COX7B2: variants seen among roughly 807,000 people sequenced by gnomAD.
COX7B2 encodes cytochrome c oxidase subunit 7B2.
For missense variants in COX7B2, 109 were observed against 95.9 expected (o/e 1.14, Z -0.57); for synonymous variants, 37 against 32.1 (o/e 1.15, Z -0.51).
At chr4:46,799,103 T>TC (rs1718517823) in intron 2 of COX7B2, among the ~76,000 whole-genome samples, 1 of 152,188 alleles carries the variant, frequency 6.6e-6, no homozygotes, top group Non-Finnish European at 1.5e-5. Flanking sequence ...CTGAAGGTTT[T>TC]CTCTTTCTTG....
At chr4:46,828,859 T>C (rs1714868302) in intron 2 of COX7B2, among the ~76,000 whole-genome samples, 2 of 152,206 alleles carry the variant, frequency 1.3e-5, no homozygotes, top group South Asian at 2.1e-4. Flanking sequence ...AAAAAGGTAA[T>C]TGCAGAAAAA....
At chr4:46,800,590 C>T (rs1000716572) in intron 2 of COX7B2, among the ~76,000 whole-genome samples, 1 of 152,048 alleles carries the variant, frequency 6.6e-6, no homozygotes, top group Non-Finnish European at 1.5e-5. Context: ...TTACACCATA[C>T]AGAAAAATCA....
chr4:46,780,185 C>T (rs918772126), intron 2 of COX7B2, among the ~76,000 whole-genome samples: 4 of 152,122 alleles, frequency 2.6e-5, no homozygotes, highest in Non-Finnish European at 5.9e-5. Flanking sequence ...AGTAATCAAA[C>T]TCAGCTATGA....
chr4:46,779,821 A>T (rs1717347547), intron 2 of COX7B2, among the ~76,000 whole-genome samples: 1 of 152,138 alleles, frequency 6.6e-6, no homozygotes, highest in Non-Finnish European at 1.5e-5. Flanking sequence ...GTTGCCAGGG[A>T]TGGAGTGGGG....
At chr4:46,839,029 T>G (rs1010293842) in intron 2 of COX7B2, among the ~76,000 whole-genome samples, 1 of 152,062 alleles carries the variant, frequency 6.6e-6, no homozygotes, top group African/African-American at 2.4e-5. Flanking sequence ...TTTTTATGTT[T>G]TATTTTAGGA....
chr4:46,820,471 G>A (rs896427186), intron 2 of COX7B2, among the ~76,000 whole-genome samples: 3 of 152,048 alleles, frequency 2.0e-5, no homozygotes, highest in African/African-American at 4.8e-5. Flanking sequence ...GGCTGGTACC[G>A]GTCCATGGCC....
chr4:46,831,105 C>G (rs1230950119), intron 2 of COX7B2, among the ~76,000 whole-genome samples: 1 of 152,164 alleles, frequency 6.6e-6, no homozygotes, highest in Non-Finnish European at 1.5e-5. Flanking sequence ...TCCGGGTGGG[C>G]ATGGGCTTGG....
chr4:46,892,837 C>T (rs1719511328), intron 1 of COX7B2, among the ~76,000 whole-genome samples: 1 of 152,150 alleles, frequency 6.6e-6, no homozygotes, highest in Admixed American at 6.5e-5. Flanking sequence ...CCATAAGTGT[C>T]GCAAGAGGGA....
At chr4:46,785,029 A>G (rs1240683963) in intron 2 of COX7B2, among the ~76,000 whole-genome samples, 1 of 152,248 alleles carries the variant, frequency 6.6e-6, no homozygotes. Flanking sequence ...AATTACAAAG[A>G]AAATATATAA....
intron 2 of COX7B2, among the ~76,000 whole-genome samples, chr4:46,754,726 G>GTATATATATATATATATATATA (rs1228184530): frequency 0.052 from 2,399 of 45,878 alleles, 125 homozygotes; most frequent in African/African-American, 0.13. Context: ...GTGTGTGTGT[G>GTATATATATATATATATATATA]TGTATATATA....
intron 1 of COX7B2, among the ~76,000 whole-genome samples, chr4:46,871,225 A>T (rs1445338245): frequency 1.3e-5 from 2 of 152,308 alleles, no homozygotes; most frequent in South Asian, 4.1e-4. Context: ...CAAACCTGAC[A>T]AAAACAAGCA....
intron 2 of COX7B2, among the ~76,000 whole-genome samples, chr4:46,763,967 C>A (rs10015595): frequency 1.3e-5 from 2 of 151,902 alleles, no homozygotes; most frequent in Admixed American, 6.6e-5. Context: ...AAAACTCTTG[C>A]AGAATGTTAG....
intron 2 of COX7B2, among the ~76,000 whole-genome samples, chr4:46,763,276 C>A (rs1403519669): frequency 7.0e-6 from 1 of 142,576 alleles, no homozygotes; most frequent in Non-Finnish European, 1.5e-5. Context: ...TTGTTTGTTT[C>A]AATTTCCCCT....
At chr4:46,794,348 A>G (rs1403944142) in intron 2 of COX7B2, among the ~76,000 whole-genome samples, 3 of 152,208 alleles carry the variant, frequency 2.0e-5, no homozygotes, top group Non-Finnish European at 4.4e-5. Context: ...TTGGTTGGCT[A>G]AAACACGGAC....
chr4:46,742,783 G>T (rs2109403955), intron 2 of COX7B2, among the ~76,000 whole-genome samples: 1 of 152,100 alleles, frequency 6.6e-6, no homozygotes, highest in South Asian at 2.1e-4. Flanking sequence ...GCCATATGTT[G>T]CCTGAAGAGT....
intron 2 of COX7B2, among the ~76,000 whole-genome samples, chr4:46,752,865 T>C (rs1375687638): frequency 6.6e-6 from 1 of 152,130 alleles, no homozygotes; most frequent in Non-Finnish European, 1.5e-5. Context: ...ATCAGCGATA[T>C]TGGTCTAAAA....
At chr4:46,895,301 G>A (rs1244567785) in intron 1 of COX7B2, among the ~76,000 whole-genome samples, 7 of 152,032 alleles carry the variant, frequency 4.6e-5, no homozygotes, top group South Asian at 4.1e-4. Context: ...AGAATACTAC[G>A]GAGCCATAAA....
chr4:46,906,280 C>G (rs1184998684), intron 1 of COX7B2, among the ~76,000 whole-genome samples: 4 of 152,178 alleles, frequency 2.6e-5, no homozygotes, highest in Non-Finnish European at 2.9e-5. Context: ...TGAATTGAAG[C>G]TGCAACTGAT....
intron 2 of COX7B2, among the ~76,000 whole-genome samples, chr4:46,827,549 G>C (rs1447268643): frequency 6.6e-6 from 1 of 152,162 alleles, no homozygotes; most frequent in South Asian, 2.1e-4. Context: ...CCGTAGAATT[G>C]CTTAGCAAAA....
Sources: allele counts gnomAD v4.1 joint callset (sites outside exome capture counted in the v4.1 genomes callset), GRCh38; gene constraint gnomAD v4.1.1; transcripts MANE v1.5; gene names NCBI Gene and HGNC (gene_info 2026-07-23, HGNC 2026-07-21).